FAM131B: variants seen among roughly 807,000 people sequenced by gnomAD.
FAM131B encodes the protein protein FAM131B.
FAM131B carries 19 observed loss-of-function variants against 42.0 expected under a neutral mutation model. The ratio of observed to expected loss-of-function variants is 0.45; its 90% CI spans 0.32 to 0.66. FAM131B has a LOEUF of 0.66. Ranked by LOEUF, FAM131B falls within the 30% of genes least tolerant of loss-of-function variation. The pLI, the probability that FAM131B is intolerant of heterozygous loss-of-function variation, is 0.05. For synonymous variants in FAM131B, 183 were observed against 177.6 expected (o/e 1.03, Z -0.24); for missense variants, 370 against 468.4 (o/e 0.79, Z 1.94).
rs374651528 is a variant in FAM131B at position 143,356,564 on chromosome 7, C to G, written c.1069G>C (p.Glu357Gln). 1.4e-4 allele frequency: 230 copies of G among 1,611,756 alleles called. No individual in the cohort carries two copies. The highest frequency in any genetic ancestry group is 1.8e-4 in the Non-Finnish European group (213 of 1,178,312). The change falls in exon 7 of 7, where the codon GAG becomes CAG. Residue 357 changes from glutamate (E) to glutamine (Q), a missense_variant. By Grantham distance (29) the Glu-to-Gln change is conservative. Transcript: ENST00000443739. The surrounding 1 kb of genome is among the most constrained non-coding windows in gnomAD (Gnocchi z 4.4). Reference sequence around the variant, plus strand: ...GGGGGAGGAAACTAGTTGTTGGCCTCGCCTTCCTCCTCATCAAAGGACTGC... The same window carrying G: ...GGGGGAGGAAACTAGTTGTTGGCCTGGCCTTCCTCCTCATCAAAGGACTGC... ...GVQSFDEEEG[E>Q]ANN
Position 143,355,180 on chromosome 7 carries a change from A to T in FAM131B, c.*1370T>A, listed in dbSNP as rs1803596667. ...GCAGTGGCAGGGCCAAGTGCTCTCC[A>T]ACCCCACAGCACCGCTGCTTTGCTC... On this transcript the variant is annotated 3_prime_UTR_variant, in exon 7 of 7. Transcript: ENST00000443739. The surrounding 1 kb of genome is among the most constrained non-coding windows in gnomAD (Gnocchi z 4.1). 1 of 152,934 alleles carries T rather than the reference A, an allele frequency of 6.5e-6. No individual in the cohort carries two copies. Among genetic ancestry groups the T allele is most frequent in the Non-Finnish European group, 1.5e-5 (1 of 68,634 alleles). 9.5% of individuals were successfully genotyped at this position (152,934 alleles called of 1,614,324 possible).
rs1344670224 is a variant in FAM131B, at chr7:143,356,711, A to G, written c.922T>C (p.Leu308=). 1.9e-6 allele frequency: 3 copies of G among 1,614,064 alleles called. No homozygotes were observed. Among genetic ancestry groups the G allele is most frequent in the Middle Eastern group, 1.6e-4 (1 of 6,062 alleles). The change falls in exon 7 of 7, where the codon TTG becomes CTG. Residue 308 remains leucine (L), a synonymous_variant. Transcript: ENST00000443739. The surrounding 1 kb of genome is among the most constrained non-coding windows in gnomAD (Gnocchi z 4.4). ...RGPAEEEKRP[L]APEEEEDAGC... is the part of the protein sequence containing the mutation. The stretch of plus-strand genomic sequence containing the variant: ...GCATCCTCTTCCTCCTCAGGTGCCA[A>G]TGGCCTCTTCTCCTCCTCAGCAGGG...
the FAM131B span, among the ~76,000 whole-genome samples, chr7:143,373,516 T>C: frequency 6.6e-6 from 1 of 152,110 alleles, no homozygotes; most frequent in East Asian, 1.9e-4. Context: ...CAATGAGAGT[T>C]CAAAGAGATA....
In FAM131B at chr7:143,356,836, G is replaced by C; in HGVS notation, c.797C>G (p.Ser266Cys). ...AGCAGAGTATCCTGAAGCTGGTTGG[G>C]AAGGTCCCATTTCATGCAAGCTGGG... ...SQPSLHEMGPSQPASGYSALE... is the reference protein window; with the variant it reads ...SQPSLHEMGPCQPASGYSALE... The change falls in exon 7 of 7, where the codon TCC (serine) becomes TGC (cysteine). Residue 266 changes from serine (S) to cysteine (C), a missense_variant. Transcript: ENST00000443739. This position sits in a 1 kb window ranked among gnomAD's most constrained non-coding sequence, Gnocchi z 4.4. 2 of 1,614,154 alleles carry C rather than the reference G, an allele frequency of 1.2e-6. No homozygotes were observed.
rs771325481 is a variant in FAM131B at position 143,356,949 on chromosome 7, C to T, written c.684G>A (p.Ser228=). 2.0e-5 allele frequency: 33 copies of T among 1,613,920 alleles called. No homozygotes were observed. Among genetic ancestry groups the T allele is most frequent in the African/African-American group, 2.7e-5 (2 of 74,912 alleles). Residue 228 remains serine (S), a synonymous_variant, in exon 7 of 7, where the codon TCG becomes TCA. Coordinates refer to ENST00000443739, the MANE Select transcript of FAM131B (RefSeq NM_001031690.3). The surrounding 1 kb of genome is among the most constrained non-coding windows in gnomAD (Gnocchi z 4.4). ...GATCGCTGGCTTCCCAGGCATCTGA[C>T]GACCCCAGACAGTACATACCCTGGG... ...YVSQGMYCLG[S]SDAWEASDQS...
chr7:143,368,222 A>T, the FAM131B span, among the ~76,000 whole-genome samples: 1 of 152,228 alleles, frequency 6.6e-6, no homozygotes. Context: ...GGCAACCATG[A>T]GTCAGAGGCC....
chr7:143,380,776 C>A, the FAM131B span: 6 of 985,300 alleles, frequency 6.1e-6, no homozygotes, highest in Non-Finnish European at 6.0e-6. This position sits in a 1 kb window ranked among gnomAD's most constrained non-coding sequence, Gnocchi z 5.0. Context: ...CGCTCCTCAC[C>A]CCCCATCCCC....
At chr7:143,381,183 G>GA in the FAM131B span, 1 of 991,790 alleles carries the variant, frequency 1.0e-6, no homozygotes, top group Non-Finnish European at 1.2e-6. Flanking sequence ...CTTCCTGGGG[G>GA]AGTTTCCTGC....
rs967132465 is a variant in FAM131B at position 143,359,871 on chromosome 7, G to A, written c.139-104C>T. On this transcript the variant is annotated intron_variant, in intron 2 of 6. Transcript: ENST00000443739. This position sits in a 1 kb window ranked among gnomAD's most constrained non-coding sequence, Gnocchi z 5.4. ...TCCAGGAGTGCGGGATGTGGGGAGGGCTTTCCTGAGGTTGATGCCGCTAAC... is the reference window on the plus strand; with the variant it reads ...TCCAGGAGTGCGGGATGTGGGGAGGACTTTCCTGAGGTTGATGCCGCTAAC... 5.1e-6 allele frequency: 6 copies of A among 1,180,506 alleles called. No homozygotes were observed. The highest frequency in any genetic ancestry group is 6.2e-6 in the Non-Finnish European group (5 of 812,574). The allele number at this position is 1,180,506 out of a possible 1,614,324, so 73.1% of individuals were successfully genotyped here. A position where few individuals can be genotyped will look rare whatever the true frequency, so the allele number is the denominator to read the frequency against.
At position 143,359,232 on chromosome 7, in the gene FAM131B, G is replaced by T; in HGVS notation, c.268+94C>A. The T allele has an allele frequency of 9.1e-7, 1 of 1,101,540 alleles. No individual in the cohort carries two copies. Among genetic ancestry groups the T allele is most frequent in the South Asian group, 1.3e-5 (1 of 74,986 alleles). The allele number at this position is 1,101,540 out of a possible 1,614,324, so 68.2% of individuals were successfully genotyped here. A position where few individuals can be genotyped will look rare whatever the true frequency, so the allele number is the denominator to read the frequency against. Reference sequence around the variant, plus strand: ...TGAATAGGTCAGGGGGTGGGGATGAGGGTCTTCATCAACCTCGAAGGAGCA... The same window carrying T: ...TGAATAGGTCAGGGGGTGGGGATGATGGTCTTCATCAACCTCGAAGGAGCA... On this transcript the variant is annotated intron_variant, in intron 4 of 6. Transcript: ENST00000443739. This position sits in a 1 kb window ranked among gnomAD's most constrained non-coding sequence, Gnocchi z 5.4.
chr7:143,357,700 T>C (rs574885225), intron 5 of FAM131B, among the ~76,000 whole-genome samples: 2 of 152,366 alleles, frequency 1.3e-5, no homozygotes, highest in South Asian at 4.1e-4. Context: ...CATTCTTTTA[T>C]TTATATGAAG....
At chr7:143,378,471 T>G in the FAM131B span, among the ~76,000 whole-genome samples, 3 of 151,586 alleles carry the variant, frequency 2.0e-5, no homozygotes. Context: ...ATCTTCTTAT[T>G]TGCTGTACTT....
chr7:143,372,884 G>A, the FAM131B span, among the ~76,000 whole-genome samples: 18 of 151,996 alleles, frequency 1.2e-4, no homozygotes, highest in African/African-American at 3.6e-4. Flanking sequence ...GCTTGAACCC[G>A]GGAGGCGGAG....
At chr7:143,365,985 C>T (rs1162762012), upstream of FAM131B, among the ~76,000 whole-genome samples, 1 of 152,176 alleles carries the variant, frequency 6.6e-6, no homozygotes, top group Non-Finnish European at 1.5e-5. Context: ...CTCCTGGCCT[C>T]AAGCAATCTT....
intron 1 of FAM131B, chr7:143,361,525 GGA>G (rs2116476904): frequency 6.6e-6 from 1 of 151,954 alleles, no homozygotes; most frequent in African/African-American, 2.4e-5. Context: ...TCAGGCTTCT[GGA>G]GAGTGAGTTT....
the FAM131B span, among the ~76,000 whole-genome samples, chr7:143,372,403 T>C: frequency 1.3e-5 from 2 of 152,158 alleles, no homozygotes; most frequent in East Asian, 1.9e-4. Context: ...CAAGTTCCAG[T>C]GGGCCAAGGG....
At chr7:143,381,112 G>A in the FAM131B span, 1 of 794,742 alleles carries the variant, frequency 1.3e-6, no homozygotes. Flanking sequence ...GGGCGGCAGT[G>A]AGTGGGGTGG....
At chr7:143,360,916 CG>C (rs1803935674) in intron 1 of FAM131B, 1 of 147,474 alleles carries the variant, frequency 6.8e-6, no homozygotes, top group Non-Finnish European at 1.5e-5. Flanking sequence ...TTGTTACAGC[CG>C]GGCCAGAGCT....
At chr7:143,366,089 A>G (rs1804175226), upstream of FAM131B, among the ~76,000 whole-genome samples, 1 of 152,184 alleles carries the variant, frequency 6.6e-6, no homozygotes, top group African/African-American at 2.4e-5. Context: ...CTCAGAGGGA[A>G]AATCTATTCT....
Sources: allele counts gnomAD v4.1 joint callset (sites outside exome capture counted in the v4.1 genomes callset), GRCh38; gene constraint gnomAD v4.1.1; non-coding constraint Gnocchi (gnomAD v3.1); transcripts MANE v1.5; gene names NCBI Gene and HGNC (gene_info 2026-07-23, HGNC 2026-07-21).